Variants in PCDHGB3 observed in about 807,000 individuals in gnomAD.
PCDHGB3 encodes protocadherin gamma subfamily B, 3, also known as protocadherin gamma-B3.
Under a neutral mutation model 59.2 loss-of-function variants are expected in PCDHGB3, and 40 were observed. That is an observed-to-expected ratio of 0.68 (90% CI 0.52 to 0.88). The LOEUF (loss-of-function observed/expected upper bound fraction) is 0.88, where lower values mean the gene tolerates loss of function less well. Ranked by LOEUF, PCDHGB3 falls within the 40% of genes least tolerant of loss-of-function variation. The probability of loss-of-function intolerance (pLI) is 0.00; values close to 1 mark genes in which losing one functional copy is unlikely to be tolerated. For missense variants in PCDHGB3, 1,309 were observed against 1,187.9 expected (o/e 1.10, Z -1.50); for synonymous variants, 581 against 503.6 (o/e 1.15, Z -2.06).
Position 141,418,952 on chromosome 5 carries a change from G to C in PCDHGB3, c.2415+46143G>C, listed in dbSNP as rs1377467334. On this transcript the variant is annotated intron_variant, in intron 1 of 3. Coordinates refer to ENST00000576222, the MANE Select transcript of PCDHGB3 (RefSeq NM_018924.5). ...TATGGAGGATTCCCCTCCAGGAGTG[G>C]TTGTTGCCCTCTTCAAAACACGGGA... 4.3e-6 allele frequency: 7 copies of C among 1,613,932 alleles called. No individual in the cohort carries two copies. Among genetic ancestry groups the C allele is most frequent in the Non-Finnish European group, 5.9e-6 (7 of 1,179,908 alleles).
At position 141,371,997 on chromosome 5, in the gene PCDHGB3, C is replaced by G; in HGVS notation, c.1603C>G (p.Arg535Gly). 3.7e-6 allele frequency: 6 copies of G among 1,613,232 alleles called. No homozygotes were observed. The highest frequency in any genetic ancestry group is 1.1e-5 in the South Asian group (1 of 91,064). Residue 535 changes from arginine to glycine, a missense_variant, in exon 1 of 4, where the codon CGC becomes GGC. Physicochemically the swap from Arg to Gly is moderately radical, Grantham distance 125. Coordinates refer to ENST00000576222, the MANE Select transcript of PCDHGB3 (RefSeq NM_018924.5). ...TGCCTTCGAGCTCACTCTGCAGGCC[C>G]GCGACCAGGGCTCGCCTACGCTCAG... Reference protein sequence around the residue: ...LRAFELTLQARDQGSPTLSAN... With the variant: ...LRAFELTLQAGDQGSPTLSAN...
In PCDHGB3 at chr5:141,432,198, AC is replaced by A. The variant is rs1345236539; in HGVS notation, c.2415+59390del. ...GTCTCTGTGACCGCCCACGACCCCG[AC>A]TGTGAAGAGAACGCCCAGATCACTT... is the stretch of plus-strand genomic sequence containing the variant. On this transcript the variant is annotated intron_variant, in intron 1 of 3. Coordinates refer to ENST00000576222, the MANE Select transcript of PCDHGB3 (RefSeq NM_018924.5). This position sits in a 1 kb window ranked among gnomAD's most constrained non-coding sequence, Gnocchi z 6.0. 6 of 1,613,998 alleles carry A rather than the reference AC, an allele frequency of 3.7e-6. No homozygotes were observed. Among genetic ancestry groups the A allele is most frequent in the Non-Finnish European group, 4.2e-6 (5 of 1,180,030 alleles).
chr5:141,392,826 C>T, intron 1 of PCDHGB3: 1 of 1,601,188 alleles, frequency 6.2e-7, no homozygotes, highest in Non-Finnish European at 8.5e-7. Context: ...GGCCGCTCCA[C>T]AGAGTCGCCC....
chr5:141,384,934 G>A (rs750109041), intron 1 of PCDHGB3: 1 of 1,614,050 alleles, frequency 6.2e-7, no homozygotes, highest in Admixed American at 1.7e-5. Flanking sequence ...GGGCAGCCTT[G>A]AGCCCTCCGA....
At chr5:141,374,728 GGATGGCGGCGACCCT>G (rs1422312768) in intron 1 of PCDHGB3, 1 of 1,610,428 alleles carries the variant, frequency 6.2e-7, no homozygotes, top group Admixed American at 1.7e-5. Context: ...TTACTGCCAT[GGATGGCGGCGACCCT>G]GTCCGCTCAA....
At position 141,491,587 on chromosome 5, in the gene PCDHGB3, G is replaced by A. The variant is rs1177701526; in HGVS notation, c.2416-3220G>A. 1.2e-6 allele frequency: 2 copies of A among 1,613,834 alleles called. No individual in the cohort carries two copies. Among genetic ancestry groups the A allele is most frequent in the African/African-American group, 2.7e-5 (2 of 74,926 alleles). On this transcript the variant is annotated intron_variant, in intron 1 of 3. Coordinates refer to ENST00000576222, the MANE Select transcript of PCDHGB3 (RefSeq NM_018924.5). The surrounding 1 kb of genome is among the most constrained non-coding windows in gnomAD (Gnocchi z 6.9). ...CAGGACGTGCTTTTCACCGGCCTCG[G>A]ACGGCAGTGACTTCACTTTTCTAAG...
intron 1 of PCDHGB3, chr5:141,400,054 C>G: frequency 6.2e-7 from 1 of 1,613,622 alleles, no homozygotes; most frequent in Non-Finnish European, 8.5e-7. Flanking sequence ...GGTTGCTGTG[C>G]GTGATGGTGG....
At chr5:141,402,919 G>T in intron 1 of PCDHGB3, 1 of 1,572,640 alleles carries the variant, frequency 6.4e-7, no homozygotes, top group Non-Finnish European at 8.6e-7. Flanking sequence ...CGCGCACAGA[G>T]ATCCTTTTGA....
At chr5:141,387,955 T>C in intron 1 of PCDHGB3, 1 of 1,493,874 alleles carries the variant, frequency 6.7e-7, no homozygotes. Flanking sequence ...CTGCTGTCTT[T>C]GTTCTGCCCG....
intron 1 of PCDHGB3, chr5:141,433,151 G>T (rs2097572071): frequency 1.2e-6 from 2 of 1,614,006 alleles, no homozygotes; most frequent in African/African-American, 1.3e-5. Context: ...AGGTGATTCG[G>T]TATTTTCTAA....
intron 1 of PCDHGB3, among the ~76,000 whole-genome samples, chr5:141,492,221 G>C (rs62379206): frequency 0.18 from 27,189 of 152,134 alleles, 2,633 homozygotes; most frequent in Admixed American, 0.28. Context: ...GGGCTCATGC[G>C]TGTCCTCCCT....
intron 1 of PCDHGB3, chr5:141,389,583 C>T: frequency 1.2e-6 from 2 of 1,613,188 alleles, no homozygotes; most frequent in Non-Finnish European, 1.7e-6. Flanking sequence ...CGCGCTGGGT[C>T]CCGACGGCTC....
intron 1 of PCDHGB3, chr5:141,384,992 C>A (rs536147893): frequency 6.2e-7 from 1 of 1,614,146 alleles, no homozygotes; most frequent in Admixed American, 1.7e-5. Context: ...GTGGCGGTGG[C>A]CACAGTCTCC....
At chr5:141,384,867 C>T (rs1780607130) in intron 1 of PCDHGB3, 1 of 1,613,660 alleles carries the variant, frequency 6.2e-7, no homozygotes, top group South Asian at 1.1e-5. Context: ...CTCTGTCAGC[C>T]ACCGTCACAC....
chr5:141,376,604 C>T (rs1772886423), intron 1 of PCDHGB3: 4 of 1,509,582 alleles, frequency 2.6e-6, no homozygotes, highest in Non-Finnish European at 3.6e-6. Context: ...GTTATAGAAG[C>T]GAACCTCTTT....
Position 141,468,058 on chromosome 5 carries a change from C to T in PCDHGB3, c.2416-26749C>T, listed in dbSNP as rs993225792. ...TAGAAAACTAAGCCGGGCACAGTGG[C>T]TCACACCTGTAATCCCAGCACTTTG... On this transcript the variant is annotated intron_variant, in intron 1 of 3. Transcript: ENST00000576222. 1.1e-4 allele frequency among the ~76,000 whole-genome samples: 16 copies of T among 152,140 alleles called. 2 individuals carry two copies. The highest frequency in any genetic ancestry group is 5.2e-4 in the Admixed American group (8 of 15,276).
rs748223478 is a variant in PCDHGB3 at position 141,415,687 on chromosome 5, G to T, written c.2415+42878G>T. ...TTACTTTGAAGTTTGCGGCATGATG[G>T]TGGAAAGTGTAAATGCTAAAACACT... On this transcript the variant is annotated intron_variant, in intron 1 of 3. Coordinates refer to ENST00000576222, the MANE Select transcript of PCDHGB3 (RefSeq NM_018924.5). 1.1e-5 allele frequency: 17 copies of T among 1,535,300 alleles called. No individual in the cohort carries two copies. In the South Asian group the frequency reaches 1.3e-4, roughly 12 times the overall value.
intron 1 of PCDHGB3, chr5:141,414,676 CA>C (rs779931467): frequency 5.6e-5 from 91 of 1,613,916 alleles, no homozygotes; most frequent in Middle Eastern, 1.6e-4. Context: ...AGACACCATC[CA>C]GGGGGTACCT....
At chr5:141,451,238 T>A (rs1167769789) in intron 1 of PCDHGB3, among the ~76,000 whole-genome samples, 6 of 152,214 alleles carry the variant, frequency 3.9e-5, no homozygotes, top group African/African-American at 1.4e-4. Context: ...TATTATCTCA[T>A]AAATTTTGTG....
Sources: gnomAD v4.1 joint callset for allele counts (sites outside exome capture counted in the v4.1 genomes callset) on GRCh38, gnomAD v4.1.1 for gene constraint, Gnocchi (gnomAD v3.1) non-coding constraint, MANE v1.5 for transcripts, NCBI Gene and HGNC (gene_info 2026-07-23, HGNC 2026-07-21) for gene names.